Variants in SLC26A6 observed in about 807,000 individuals in gnomAD.
The protein encoded by SLC26A6 is solute carrier family 26 member 6, also known as anion exchange transporter.
Under a neutral mutation model 87.1 loss-of-function variants are expected in SLC26A6, and 67 were observed. The observed-to-expected ratio is 0.77, with a 90% CI of 0.63 to 0.94. The LOEUF (loss-of-function observed/expected upper bound fraction) is 0.94, where lower values mean the gene tolerates loss of function less well. Ranked by LOEUF, SLC26A6 falls within the 40% of genes least tolerant of loss-of-function variation. SLC26A6 has a pLI of 0.00. For synonymous variants in SLC26A6, 414 were observed against 405.9 expected (o/e 1.02, Z -0.24); for missense variants, 902 against 973.0 (o/e 0.93, Z 0.97).
At position 48,628,461 on chromosome 3, in the gene SLC26A6, C is replaced by T. The variant is rs986229748; in HGVS notation, c.1773G>A (p.Leu591=). 20 of 1,614,104 alleles carry T rather than the reference C, an allele frequency of 1.2e-5. No individual in the cohort carries two copies. The highest frequency in any genetic ancestry group is 1.5e-5 in the Non-Finnish European group (18 of 1,179,988). ...GTTTCCGAAGCTTCTCCTCTTTCTG[C>T]AGTTGCTTCAGCTTCAGCTGCTCCT... ...KKQEQLKLKQ[L]QKEEKLRKQA... Residue 591 remains leucine (L), a synonymous_variant, in exon 16 of 21, where the codon CTG becomes CTA. Transcript: ENST00000395550. This position sits in a 1 kb window ranked among gnomAD's most constrained non-coding sequence, Gnocchi z 4.4.
Position 48,631,891 on chromosome 3 carries a change from A to G in SLC26A6, c.739T>C (p.Ser247Pro). 6.2e-7 allele frequency: 1 copy of G among 1,613,660 alleles called. No homozygotes were observed. Among genetic ancestry groups the G allele is most frequent in the South Asian group, 1.1e-5 (1 of 91,074 alleles). The change falls in exon 6 of 21, where the codon TCC becomes CCC. Residue 247 changes from serine (S) to proline (P), a missense_variant. Around this residue, in one of 3 missense-constraint regions of SLC26A6, gnomAD observed 800 missense variants for 856.8 expected, o/e 0.93. Coordinates refer to ENST00000395550, the MANE Select transcript of SLC26A6 (RefSeq NM_022911.3). ...CTACCCTCACTCACATAGATGAGGG[A>G]CAGTGGCCCAGAGTGGCTGCTCAGA... ...LHLSSHSGPLSLIYTVLEVCW... is the reference protein window; with the variant it reads ...LHLSSHSGPLPLIYTVLEVCW...
chr3:48,632,735 C>G, intron 4 of SLC26A6: 1 of 675,582 alleles, frequency 1.5e-6, no homozygotes, highest in Non-Finnish European at 2.7e-6. Context: ...TTCCAGGCCC[C>G]TTGGGCTGCC....
At position 48,631,063 on chromosome 3, in the gene SLC26A6, C is replaced by T; in HGVS notation, c.1064G>A (p.Gly355Glu). 6.2e-7 allele frequency: 1 copy of T among 1,613,790 alleles called. No individual in the cohort carries two copies. The highest frequency in any genetic ancestry group is 1.3e-5 in the African/African-American group (1 of 75,052). ...CCCCAGTGAGATGGCAATGGCAAAC[C>T]CAACCACAGCGATGGTGAAGGCGCT... is the stretch of plus-strand genomic sequence containing the variant. ...VGSAFTIAVVGFAIAISLGKI... is the reference protein window; with the variant it reads ...VGSAFTIAVVEFAIAISLGKI... Residue 355 changes from glycine to glutamate, a missense_variant, in exon 9 of 21, where the codon GGG becomes GAG. Physicochemically the swap from Gly to Glu is moderately conservative, Grantham distance 98. This residue lies in a region of SLC26A6 where 800 missense variants were observed against 856.8 expected (regional missense o/e 0.93). Coordinates refer to ENST00000395550, the MANE Select transcript of SLC26A6 (RefSeq NM_022911.3).
rs2046930256 is a variant in SLC26A6 at position 48,635,426 on chromosome 3, G to A, written c.-33C>T. ...AAGTTGTCCGGTGCGGGCTGCTCCT[G>A]CTGCTCGAGCTAGAGGCCGCTACGC... is the stretch of plus-strand genomic sequence containing the variant. On this transcript the variant is annotated 5_prime_UTR_variant, in exon 1 of 21. Transcript: ENST00000395550. 5 of 1,567,330 alleles carry A rather than the reference G, an allele frequency of 3.2e-6. No homozygotes were observed. The highest frequency in any genetic ancestry group is 2.4e-5 in the East Asian group (1 of 42,058).
At position 48,625,769 on chromosome 3, in the gene SLC26A6, C is replaced by G. The variant is rs2046602642; in HGVS notation, c.*217G>C. 3 of 622,586 alleles carry G rather than the reference C, an allele frequency of 4.8e-6. No individual in the cohort carries two copies. The highest frequency in any genetic ancestry group is 5.7e-6 in the Non-Finnish European group (2 of 350,208). The allele number at this position is 622,586 out of a possible 1,614,324, so 38.6% of individuals were successfully genotyped here. On this transcript the variant is annotated 3_prime_UTR_variant, in exon 21 of 21. Coordinates refer to ENST00000395550, the MANE Select transcript of SLC26A6 (RefSeq NM_022911.3). The surrounding 1 kb of genome is among the most constrained non-coding windows in gnomAD (Gnocchi z 4.7). ...CCTGAGGCTAAAATATGCACCAGTT[C>G]CCTCCCTGTACCGCGCCACTGCCAG...
At position 48,633,392 on chromosome 3, in the gene SLC26A6, T is replaced by C. The variant is rs2106674843; in HGVS notation, c.183-2A>G. 6.2e-7 allele frequency: 1 copy of C among 1,613,280 alleles called. No individual in the cohort carries two copies. The highest frequency in any genetic ancestry group is 8.5e-7 in the Non-Finnish European group (1 of 1,179,960). On this transcript the variant is annotated splice_acceptor_variant, in intron 2 of 20. Transcript: ENST00000395550. LOFTEE classifies it high-confidence loss of function. ...GCATAGGCCCGAGCACGGGAGCACCTAGGGACATGATATGAGGGGTAGGTG... is the reference window on the plus strand; with the variant it reads ...GCATAGGCCCGAGCACGGGAGCACCCAGGGACATGATATGAGGGGTAGGTG...
At position 48,633,276 on chromosome 3, in the gene SLC26A6, A is replaced by G; in HGVS notation, c.297T>C (p.Ser99=). 1.2e-6 allele frequency: 2 copies of G among 1,613,336 alleles called. No individual in the cohort carries two copies. The highest frequency in any genetic ancestry group is 1.7e-6 in the Non-Finnish European group (2 of 1,179,942). ...WLLGDLLSGL[S]VAIMQLPQGL... ...CCTGCGGAAGCTGCATGATGGCCAC[A>G]CTCAGGCCGGATAACAGGTCACCCA... Residue 99 remains serine (S), a synonymous_variant, in exon 3 of 21, where the codon AGT becomes AGC. Transcript: ENST00000395550.
At position 48,632,347 on chromosome 3, in the gene SLC26A6, C is replaced by G; in HGVS notation, c.483G>C (p.Leu161=). The change falls in exon 5 of 21, where the codon CTG becomes CTC. Residue 161 remains leucine, a synonymous_variant. Transcript: ENST00000395550. ...TGGAGTCGTTCAAGGCCTGCGGGGC[C>G]AGGGATTCTGTCACACTGCCCACCA... The part of the protein sequence containing the change: ...SVMVGSVTES[L]APQALNDSMI... 1 of 1,612,788 alleles carries G rather than the reference C, an allele frequency of 6.2e-7. No homozygotes were observed. The highest frequency in any genetic ancestry group is 8.5e-7 in the Non-Finnish European group (1 of 1,179,654).
Position 48,632,445 on chromosome 3 carries a change from G to A in SLC26A6, c.434-49C>T, listed in dbSNP as rs1416804706. 5 of 1,575,542 alleles carry A rather than the reference G, an allele frequency of 3.2e-6. No homozygotes were observed. In the South Asian group the frequency reaches 5.8e-5, roughly 18 times the overall value. Reference sequence around the variant, plus strand: ...TCTGAAGAGGAGAGGACACTGCCCTGCCCTGGAGCCCTGGTCTTAAGAGAG... The same window carrying A: ...TCTGAAGAGGAGAGGACACTGCCCTACCCTGGAGCCCTGGTCTTAAGAGAG... On this transcript the variant is annotated intron_variant, in intron 4 of 20. Coordinates refer to ENST00000395550, the MANE Select transcript of SLC26A6 (RefSeq NM_022911.3).
intron 11 of SLC26A6, 32 bp from the exon 12 acceptor site, chr3:48,630,189 T>C: frequency 6.3e-7 from 1 of 1,597,298 alleles, no homozygotes; most frequent in Non-Finnish European, 8.6e-7. Context: ...CAGGGGCCAT[T>C]GAGGGCACCC....
intron 3 of SLC26A6, 70 bp from the exon 4 acceptor site, chr3:48,633,154 G>C (rs2046857860): frequency 6.3e-7 from 1 of 1,583,212 alleles, no homozygotes; most frequent in Non-Finnish European, 8.6e-7. Flanking sequence ...TCCCAGCCCT[G>C]GGTTAGGTGC....
rs764992458 is a variant in SLC26A6, at chr3:48,633,045, A to G, written c.362T>C (p.Phe121Ser). ...YALLAGLPPV[F>S]GLYSSFYPVF... Reference sequence around the variant, plus strand: ...AGGGTAGAAGGAGCTATAGAGGCCAAACACGGGGGGCAATCCAGCCAGGAG... The same window carrying G: ...AGGGTAGAAGGAGCTATAGAGGCCAGACACGGGGGGCAATCCAGCCAGGAG... The change falls in exon 4 of 21, where the codon TTT (phenylalanine) becomes TCT (serine). Residue 121 changes from phenylalanine to serine, a missense_variant. This residue lies in a region of SLC26A6 where 800 missense variants were observed against 856.8 expected (regional missense o/e 0.93). Coordinates refer to ENST00000395550, the MANE Select transcript of SLC26A6 (RefSeq NM_022911.3). The G allele has an allele frequency of 1.2e-6, 2 of 1,613,488 alleles. No individual in the cohort carries two copies. Among genetic ancestry groups the G allele is most frequent in the African/African-American group, 1.3e-5 (1 of 74,950 alleles).
chr3:48,632,260 C>G lies in SLC26A6; in HGVS notation c.570G>C (p.Leu190=), dbSNP rs752497725. 1.7e-5 allele frequency: 28 copies of G among 1,605,472 alleles called. No individual in the cohort carries two copies. The highest frequency in any genetic ancestry group is 2.2e-5 in the Non-Finnish European group (26 of 1,175,822). Residue 190 remains leucine, a synonymous_variant, in exon 5 of 21, where the codon CTG becomes CTC. Coordinates refer to ENST00000395550, the MANE Select transcript of SLC26A6 (RefSeq NM_022911.3). ...RVQVASTLSV[L]VGLFQVGLGL... ...TGTTCCACACCTGGAAGAGGCCAACCAGGACACTGAGTGTGGAGGCCACCT... is the reference window on the plus strand; with the variant it reads ...TGTTCCACACCTGGAAGAGGCCAACGAGGACACTGAGTGTGGAGGCCACCT...
chr3:48,629,711 C>A lies in SLC26A6; in HGVS notation c.1530G>T (p.Met510Ile). ...SLLLVVVRTQ[M>I]PHYSVLGQVP... is the part of the protein sequence containing the mutation. Reference sequence around the variant, plus strand: ...CCTGCCCCAGGACAGAGTAGTGGGGCCTGTGAAGGAGAGAGAGAATGCACG... The same window carrying A: ...CCTGCCCCAGGACAGAGTAGTGGGGACTGTGAAGGAGAGAGAGAATGCACG... The change falls in exon 14 of 21, where the codon ATG (methionine) becomes ATT (isoleucine). Residue 510 changes from methionine to isoleucine, a missense_variant and splice_region_variant. Transcript: ENST00000395550. 2 of 1,613,066 alleles carry A rather than the reference C, an allele frequency of 1.2e-6. No individual in the cohort carries two copies. Among genetic ancestry groups the A allele is most frequent in the African/African-American group, 1.3e-5 (1 of 74,940 alleles).
In SLC26A6 at chr3:48,633,508, G is replaced by T; in HGVS notation, c.151C>A (p.Pro51Thr). The T allele has an allele frequency of 1.2e-6, 2 of 1,613,242 alleles. No individual in the cohort carries two copies. Among genetic ancestry groups the T allele is most frequent in the Non-Finnish European group, 1.7e-6 (2 of 1,179,990 alleles). The change falls in exon 2 of 21, where the codon CCT becomes ACT. Residue 51 changes from proline to threonine, a missense_variant. Coordinates refer to ENST00000395550, the MANE Select transcript of SLC26A6 (RefSeq NM_022911.3). Reference sequence around the variant, plus strand: ...CAGGTCCGCCACTGGTGGGTCCTAGGTGCTGAGCCCCAGCGCCCCAGCTCC... The same window carrying T: ...CAGGTCCGCCACTGGTGGGTCCTAGTTGCTGAGCCCCAGCGCCCCAGCTCC... ...LEELGRWGSAPRTHQWRTWLQ... is the reference protein window; with the variant it reads ...LEELGRWGSATRTHQWRTWLQ...
At chr3:48,627,667 C>A (rs1354888635) in intron 17 of SLC26A6, 2 of 324,768 alleles carry the variant, frequency 6.2e-6, no homozygotes, top group Non-Finnish European at 1.1e-5. Flanking sequence ...TCCCATATAC[C>A]CCATCCCTTT....
intron 1 of SLC26A6, among the ~76,000 whole-genome samples, chr3:48,634,555 G>T (rs572506751): frequency 6.6e-6 from 1 of 152,334 alleles, no homozygotes; most frequent in African/African-American, 2.4e-5. Context: ...CTGACCTCGG[G>T]CGAGGCTCCC....
chr3:48,626,501 C>A, intron 19 of SLC26A6, 130 bp downstream of exon 19: 1 of 1,543,268 alleles, frequency 6.5e-7, no homozygotes, highest in Non-Finnish European at 8.9e-7. Context: ...CCCTGGACTC[C>A]TGTCTCCCAG....
At position 48,625,902 on chromosome 3, in the gene SLC26A6, ACCTGGAGGCGG is replaced by A; in HGVS notation, c.*73_*83del. The A allele has an allele frequency of 6.4e-7, 1 of 1,572,648 alleles. No individual in the cohort carries two copies. The highest frequency in any genetic ancestry group is 8.7e-7 in the Non-Finnish European group (1 of 1,147,526). On this transcript the variant is annotated 3_prime_UTR_variant, in exon 21 of 21. Transcript: ENST00000395550. The surrounding 1 kb of genome is among the most constrained non-coding windows in gnomAD (Gnocchi z 4.7). ...TACATGGAGGGGACTCCTGGGTAGCACCTGGAGGCGGCCTAGGGGTGAGGGGCTTCTCAAGG... is the reference window on the plus strand; with the variant it reads ...TACATGGAGGGGACTCCTGGGTAGCACCTAGGGGTGAGGGGCTTCTCAAGG...
Sources: allele counts gnomAD v4.1 joint callset (sites outside exome capture counted in the v4.1 genomes callset), GRCh38; gene constraint gnomAD v4.1.1; regional missense constraint gnomAD v4.1.1; non-coding constraint Gnocchi (gnomAD v3.1); transcripts MANE v1.5; gene names NCBI Gene and HGNC (gene_info 2026-07-23, HGNC 2026-07-21).